NUDT2: variants seen among roughly 807,000 people sequenced by gnomAD.
NUDT2 encodes bis(5'-nucleosyl)-tetraphosphatase [asymmetrical].
A neutral mutation model predicts 14.2 loss-of-function variants in NUDT2; 12 were observed. The ratio of observed to expected loss-of-function variants is 0.84; its 90% CI spans 0.54 to 1.37. The LOEUF is 1.37. Ranked by LOEUF, NUDT2 falls within the 40% of genes most tolerant of loss-of-function variation. The probability of loss-of-function intolerance (pLI) is 0.00; values close to 1 mark genes in which losing one functional copy is unlikely to be tolerated. For synonymous variants in NUDT2, 67 were observed against 67.4 expected (o/e 0.99, Z 0.03); for missense variants, 167 against 176.7 (o/e 0.95, Z 0.31).
intron 1 of NUDT2, 43 bp from the exon 2 acceptor site, chr9:34,336,186 C>T (rs1162328765): frequency 6.6e-6 from 1 of 152,052 alleles, no homozygotes; most frequent in African/African-American, 2.4e-5. Flanking sequence ...AGCAAGGTAC[C>T]CCACATCTAT....
At chr9:34,335,701 G>A (rs1048428821) in intron 1 of NUDT2, among the ~76,000 whole-genome samples, 1 of 152,220 alleles carries the variant, frequency 6.6e-6, no homozygotes, top group Non-Finnish European at 1.5e-5. Flanking sequence ...GATGGAGAAT[G>A]AGCATCTGAT....
At chr9:34,342,981 A>G (rs1326516892) in intron 4 of NUDT2, 143 bp from the exon 5 acceptor site, 19 of 692,480 alleles carry the variant, frequency 2.7e-5, no homozygotes, top group Non-Finnish European at 4.2e-5. Flanking sequence ...AGCTGATTGC[A>G]CTACTGCACT....
At chr9:34,336,899 C>G (rs545217850) in intron 2 of NUDT2, among the ~76,000 whole-genome samples, 2 of 151,018 alleles carry the variant, frequency 1.3e-5, no homozygotes, top group African/African-American at 4.9e-5. Flanking sequence ...ATATACTGTA[C>G]TTTTTGCCTA....
chr9:34,333,186 G>A (rs1837993287), intron 1 of NUDT2, among the ~76,000 whole-genome samples: 1 of 152,258 alleles, frequency 6.6e-6, no homozygotes, highest in South Asian at 2.1e-4. Context: ...GCTATTAGGA[G>A]CCTGAGGCTA....
chr9:34,339,392 TA>T (rs1356815094), intron 4 of NUDT2, among the ~76,000 whole-genome samples: 1 of 152,210 alleles, frequency 6.6e-6, no homozygotes, highest in Non-Finnish European at 1.5e-5. Context: ...CTGGTGTTTT[TA>T]TGAGTATCAT....
intron 4 of NUDT2, 116 bp downstream of exon 4, chr9:34,339,282 G>A: frequency 1.6e-6 from 2 of 1,285,356 alleles, no homozygotes. Context: ...AAGGGGTAGG[G>A]AAGGTAGGAG....
At position 34,343,420 on chromosome 9, in the gene NUDT2, C is replaced by A; in HGVS notation, c.424C>A (p.Leu142Ile). The A allele has an allele frequency of 6.2e-7, 1 of 1,602,856 alleles. No homozygotes were observed. Among genetic ancestry groups the A allele is most frequent in the South Asian group, 1.1e-5 (1 of 89,356 alleles). Reference sequence around the variant, plus strand: ...AGCGCTCCAAGAAGGACACCAGTTTCTTTGCTCCATAGAGGCCTGAGCTGA... The same window carrying A: ...AGCGCTCCAAGAAGGACACCAGTTTATTTGCTCCATAGAGGCCTGAGCTGA... ...KAALQEGHQF[L>I]CSIEA The change falls in exon 5 of 5, where the codon CTT becomes ATT. Residue 142 changes from leucine to isoleucine, a missense_variant. Transcript: ENST00000379158.
intron 1 of NUDT2, among the ~76,000 whole-genome samples, chr9:34,334,811 G>C (rs1186837635): frequency 1.3e-5 from 2 of 152,326 alleles, no homozygotes; most frequent in Admixed American, 1.3e-4. Context: ...ATTGTACTGT[G>C]TCAGTTTAGC....
At chr9:34,330,079 G>A (rs946557156) in intron 1 of NUDT2, among the ~76,000 whole-genome samples, 3 of 152,214 alleles carry the variant, frequency 2.0e-5, no homozygotes, top group African/African-American at 7.2e-5. Flanking sequence ...GAGCCCCACC[G>A]CCTTAAACAA....
intron 1 of NUDT2, among the ~76,000 whole-genome samples, chr9:34,334,557 T>C (rs1838038014): frequency 6.6e-6 from 1 of 152,220 alleles, no homozygotes; most frequent in Admixed American, 6.5e-5. Context: ...CCCCCAACAA[T>C]AGTTCCATTC....
At chr9:34,342,901 CTG>C (rs1563975267) in intron 4 of NUDT2, among the ~76,000 whole-genome samples, 1 of 151,960 alleles carries the variant, frequency 6.6e-6, no homozygotes, top group Non-Finnish European at 1.5e-5. Flanking sequence ...TGGCACATGC[CTG>C]TTGTTCTGAA....
At chr9:34,339,907 T>C (rs1838190234) in intron 4 of NUDT2, among the ~76,000 whole-genome samples, 1 of 152,046 alleles carries the variant, frequency 6.6e-6, no homozygotes. Flanking sequence ...CTTTGACTCC[T>C]AGTTCAGTGT....
intron 1 of NUDT2, among the ~76,000 whole-genome samples, chr9:34,330,083 T>TAAAC (rs1023727763): frequency 6.6e-6 from 1 of 152,188 alleles, no homozygotes; most frequent in East Asian, 1.9e-4. Context: ...CCCACCGCCT[T>TAAAC]AAACAAACAA....
At chr9:34,330,011 C>T (rs1481901979) in intron 1 of NUDT2, among the ~76,000 whole-genome samples, 1 of 152,220 alleles carries the variant, frequency 6.6e-6, no homozygotes, top group African/African-American at 2.4e-5. Context: ...CTAATTGCTT[C>T]AGTTATTGAA....
chr9:34,341,490 T>C (rs1820186807), intron 4 of NUDT2, among the ~76,000 whole-genome samples: 1 of 152,164 alleles, frequency 6.6e-6, no homozygotes, highest in African/African-American at 2.4e-5. Flanking sequence ...AGAATGGTTT[T>C]TAAGTGCTAA....
At position 34,343,131 on chromosome 9, in the gene NUDT2, G is replaced by A. The variant is rs1253265261; in HGVS notation, c.135G>A (p.Val45=). 1 of 1,611,708 alleles carries A rather than the reference G, an allele frequency of 6.2e-7. No individual in the cohort carries two copies. The highest frequency in any genetic ancestry group is 8.5e-7 in the Non-Finnish European group (1 of 1,178,344). Residue 45 remains valine, a synonymous_variant, in exon 5 of 5, where the codon GTG becomes GTA. Transcript: ENST00000379158. ...CTCTTTTCTCCTAACTAGGCCATGTGGAACCAGGAGAGGATGACTTGGAAA... is the reference window on the plus strand; with the variant it reads ...CTCTTTTCTCCTAACTAGGCCATGTAGAACCAGGAGAGGATGACTTGGAAA... The part of the protein sequence containing the change: ...IHHWTPPKGH[V]EPGEDDLETA...
At chr9:34,333,951 C>T (rs2131854328) in intron 1 of NUDT2, among the ~76,000 whole-genome samples, 1 of 152,232 alleles carries the variant, frequency 6.6e-6, no homozygotes. Context: ...GCTTTAGAAA[C>T]AATAGTTGTC....
chr9:34,331,232 A>C (rs769348745), intron 1 of NUDT2, among the ~76,000 whole-genome samples: 1 of 152,216 alleles, frequency 6.6e-6, no homozygotes, highest in Non-Finnish European at 1.5e-5. Context: ...AACAGACAAG[A>C]TGAAAAGTCA....
intron 4 of NUDT2, among the ~76,000 whole-genome samples, chr9:34,339,504 CT>C (rs1838181501): frequency 6.6e-6 from 1 of 152,166 alleles, no homozygotes; most frequent in Non-Finnish European, 1.5e-5. Flanking sequence ...GTGCCCACCT[CT>C]CAGCTTTGAG....
Sources: allele counts gnomAD v4.1 joint callset (sites outside exome capture counted in the v4.1 genomes callset), GRCh38; gene constraint gnomAD v4.1.1; transcripts MANE v1.5; gene names NCBI Gene and HGNC (gene_info 2026-07-23, HGNC 2026-07-21).